Variants in CMSS1 observed in about 807,000 individuals in gnomAD.
CMSS1 encodes the protein protein CMSS1.
A neutral mutation model predicts 43.5 loss-of-function variants in CMSS1; 33 were observed. The ratio of observed to expected loss-of-function variants is 0.76; its 90% CI spans 0.57 to 1.01. CMSS1 has a LOEUF of 1.01. Ranked by LOEUF, CMSS1 falls within the 50% of genes least tolerant of loss-of-function variation. CMSS1 has a pLI of 0.00. For missense variants in CMSS1, 313 were observed against 326.4 expected, an observed-to-expected ratio of 0.96 and a Z score of 0.32; for synonymous variants, 115 against 117.2, an observed-to-expected ratio of 0.98 and a Z score of 0.12.
In CMSS1 at chr3:99,969,502, T is replaced by A. The variant is rs115139899; in HGVS notation, c.64+151459T>A. Among the ~76,000 whole-genome samples the A allele has an allele frequency of 4.6e-3, 700 of 152,256 alleles. 2 individuals carry two copies. The highest frequency in any genetic ancestry group is 6.8e-3 in the South Asian group (33 of 4,818). ...GATTGGTCACAGAAATACAGAAGTC[T>A]ACGTTTGAATTGATTCTAAAGATAT... is the stretch of plus-strand genomic sequence containing the variant. On this transcript the variant is annotated intron_variant, in intron 1 of 9. Transcript: ENST00000421999.
intron 1 of CMSS1, among the ~76,000 whole-genome samples, chr3:100,009,847 G>A (rs6778589): frequency 0.77 from 117,504 of 152,124 alleles, 46,031 homozygotes; most frequent in East Asian, 0.88. Flanking sequence ...ACGTGTCCAC[G>A]TTTTCAAAAC....
intron 1 of CMSS1, among the ~76,000 whole-genome samples, chr3:100,077,231 A>G (rs570468682): frequency 2.0e-5 from 3 of 152,324 alleles, no homozygotes; most frequent in African/African-American, 7.2e-5. Context: ...GGAACACACC[A>G]TCATGCAGAA....
At chr3:99,913,389 G>C (rs547300952) in intron 1 of CMSS1, among the ~76,000 whole-genome samples, 1 of 152,108 alleles carries the variant, frequency 6.6e-6, no homozygotes, top group Admixed American at 6.5e-5. Flanking sequence ...TAAAGTTATC[G>C]TAGTGGATAT....
At chr3:100,028,493 T>G (rs185293545) in intron 1 of CMSS1, among the ~76,000 whole-genome samples, 48 of 152,278 alleles carry the variant, frequency 3.2e-4, no homozygotes, top group African/African-American at 1.2e-3. Context: ...ACAGATGGAG[T>G]ATGATTTAAT....
At chr3:100,001,353 C>T (rs906430947) in intron 1 of CMSS1, among the ~76,000 whole-genome samples, 2 of 152,162 alleles carry the variant, frequency 1.3e-5, no homozygotes, top group South Asian at 2.1e-4. Context: ...TGAGTAGCTG[C>T]GACAGAGATC....
intron 1 of CMSS1, among the ~76,000 whole-genome samples, chr3:100,003,848 T>C (rs907065126): frequency 6.6e-6 from 1 of 152,116 alleles, no homozygotes; most frequent in Admixed American, 6.5e-5. Flanking sequence ...AAACACTAAC[T>C]TTGCATGAGT....
chr3:99,838,732 A>G (rs1943000331), intron 1 of CMSS1, among the ~76,000 whole-genome samples: 1 of 152,226 alleles, frequency 6.6e-6, no homozygotes. Flanking sequence ...AATGACCTGG[A>G]ACAGCTTTCC....
rs532269590 is a variant in CMSS1, at chr3:99,921,360, G to A, written c.64+103317G>A. ...ATTTAATACTACTTTGATGCACATG[G>A]CCTTAAAGCAGATAGAAGTCAGTTA... is the stretch of plus-strand genomic sequence containing the variant. On this transcript the variant is annotated intron_variant, in intron 1 of 9. Transcript: ENST00000421999. 1.5e-4 allele frequency among the ~76,000 whole-genome samples: 23 copies of A among 152,200 alleles called. No individual in the cohort carries two copies. The Middle Eastern group carries it at 0.01, about 68-fold the overall frequency.
intron 1 of CMSS1, among the ~76,000 whole-genome samples, chr3:100,076,406 CCTT>C (rs1044769991): frequency 6.6e-5 from 10 of 152,328 alleles, no homozygotes; most frequent in African/African-American, 2.4e-4. Flanking sequence ...CGCCCAACAC[CCTT>C]CTTTTTCTTT....
At chr3:99,926,507 C>T (rs192805401) in intron 1 of CMSS1, among the ~76,000 whole-genome samples, 49 of 152,224 alleles carry the variant, frequency 3.2e-4, no homozygotes, top group African/African-American at 1.2e-3. Flanking sequence ...CAAATCAACT[C>T]CTTTTGCAAT....
In CMSS1 at chr3:99,817,874, G is replaced by A. The variant is rs1477670674; in HGVS notation, c.-106G>A. On this transcript the variant is annotated 5_prime_UTR_variant, in exon 1 of 10. Coordinates refer to ENST00000421999, the MANE Select transcript of CMSS1 (RefSeq NM_032359.4). ...GGGCGGAGGCGACAGTGTCTAGCGG[G>A]AGCTCCGCGTGTAGCTACGCCGGCC... 24 of 1,163,754 alleles carry A rather than the reference G, an allele frequency of 2.1e-5. No individual in the cohort carries two copies. Among genetic ancestry groups the A allele is most frequent in the Non-Finnish European group, 2.6e-5 (21 of 797,160 alleles). 72.1% of individuals were successfully genotyped at this position (1,163,754 alleles called of 1,614,324 possible). A position where few individuals can be genotyped will look rare whatever the true frequency, so the allele number is the denominator to read the frequency against.
intron 1 of CMSS1, among the ~76,000 whole-genome samples, chr3:100,066,418 G>C (rs1352911952): frequency 6.7e-6 from 1 of 149,448 alleles, no homozygotes; most frequent in African/African-American, 2.5e-5. Flanking sequence ...GCAGTCATTT[G>C]CCATGTGGTG....
At chr3:100,053,806 T>A (rs1210024542) in intron 1 of CMSS1, among the ~76,000 whole-genome samples, 1 of 152,254 alleles carries the variant, frequency 6.6e-6, no homozygotes, top group Non-Finnish European at 1.5e-5. Flanking sequence ...AATTCTTTAG[T>A]GACTGCCACA....
At chr3:100,149,309 A>C (rs2066882238) in intron 2 of CMSS1, among the ~76,000 whole-genome samples, 1 of 152,202 alleles carries the variant, frequency 6.6e-6, no homozygotes, top group Admixed American at 6.5e-5. Flanking sequence ...TCTGGGGGTC[A>C]TGGCCCATCT....
intron 1 of CMSS1, among the ~76,000 whole-genome samples, chr3:99,880,120 G>C (rs1705673677): frequency 6.6e-6 from 1 of 152,268 alleles, no homozygotes; most frequent in South Asian, 2.1e-4. Context: ...GAAGGCTGAA[G>C]GGACCTGTAG....
intron 1 of CMSS1, among the ~76,000 whole-genome samples, chr3:99,957,775 G>A (rs367924281): frequency 7.4e-6 from 1 of 134,392 alleles, no homozygotes; most frequent in Non-Finnish European, 1.5e-5. Context: ...TCCATTCAGT[G>A]ATATAAAGCA....
At chr3:100,109,481 T>G (rs1559760455) in intron 1 of CMSS1, among the ~76,000 whole-genome samples, 5 of 152,128 alleles carry the variant, frequency 3.3e-5, no homozygotes, top group Admixed American at 2.0e-4. Flanking sequence ...TGTAGTCAGT[T>G]CCTCCCCTCA....
At chr3:99,922,695 T>A (rs1707162502) in intron 1 of CMSS1, among the ~76,000 whole-genome samples, 1 of 152,224 alleles carries the variant, frequency 6.6e-6, no homozygotes, top group Non-Finnish European at 1.5e-5. Context: ...TTAATTGTCC[T>A]TTCAGTTTCA....
At chr3:100,021,912 C>T (rs1200862646) in intron 1 of CMSS1, among the ~76,000 whole-genome samples, 2 of 113,066 alleles carry the variant, frequency 1.8e-5, no homozygotes, top group Non-Finnish European at 3.5e-5. Flanking sequence ...ATGCTAGATC[C>T]CATTGTGTGT....
Sources: gnomAD v4.1 joint callset for allele counts (sites outside exome capture counted in the v4.1 genomes callset) on GRCh38, gnomAD v4.1.1 for gene constraint, MANE v1.5 for transcripts, NCBI Gene and HGNC (gene_info 2026-07-23, HGNC 2026-07-21) for gene names.